The following E4F1 variants were observed in gnomAD, a reference collection of about 807,000 sequenced individuals.
E4F1 encodes transcription factor E4F1.
Under a neutral mutation model 72.9 loss-of-function variants are expected in E4F1, and 30 were observed. The ratio of observed to expected loss-of-function variants is 0.41; its 90% CI spans 0.31 to 0.56. The LOEUF is 0.56. E4F1 is among the 20% of genes least tolerant of loss of function. The pLI, the probability that E4F1 is intolerant of heterozygous loss-of-function variation, is 0.25. For synonymous variants in E4F1, 542 were observed against 478.2 expected, an observed-to-expected ratio of 1.13 and a Z score of -1.74; for missense variants, 1,091 against 1,117.5, an observed-to-expected ratio of 0.98 and a Z score of 0.34.
At chr16:2,230,629 G>A (rs899810378) in intron 3 of E4F1, 1 of 152,390 alleles carries the variant, frequency 6.6e-6, no homozygotes, top group African/African-American at 2.4e-5. Context: ...GCAGCAGGAA[G>A]AGGGGGTGGA....
chr16:2,224,301 C>G (rs2093417999), intron 1 of E4F1, among the ~76,000 whole-genome samples: 1 of 152,366 alleles, frequency 6.6e-6, no homozygotes, highest in Non-Finnish European at 1.5e-5. Context: ...CTTTCTAGTT[C>G]TTTGATCCTG....
Position 2,234,553 on chromosome 16 carries a change from CCAGGCTGGCACTGA to C in E4F1, c.1594-25_1594-12del. ...GAGCTGTAGTCTGTTGTGGCCAAGG[CCAGGCTGGCACTGA>C]CAGGTGTCTCCACAGAACGCACAGC... On this transcript the variant is annotated splice_polypyrimidine_tract_variant and intron_variant, in intron 10 of 13. Transcript: ENST00000301727. 1 of 1,560,254 alleles carries C rather than the reference CCAGGCTGGCACTGA, an allele frequency of 6.4e-7. No individual in the cohort carries two copies. The highest frequency in any genetic ancestry group is 8.7e-7 in the Non-Finnish European group (1 of 1,151,136).
At chr16:2,233,676 TC>T in intron 8 of E4F1, 29 bp downstream of exon 8, 1 of 1,523,382 alleles carries the variant, frequency 6.6e-7, no homozygotes. Context: ...TGCGGGCTCC[TC>T]CCAGGGCTGG....
chr16:2,228,473 C>G lies in E4F1; in HGVS notation c.259C>G (p.Pro87Ala). ...KIQKACQRAP[P>A]EALPATPATT... Reference sequence around the variant, plus strand: ...TCAGAAGGCCTGCCAGCGGGCCCCTCCGGAGGCCCTGCCTGCCACCCCTGC... The same window carrying G: ...TCAGAAGGCCTGCCAGCGGGCCCCTGCGGAGGCCCTGCCTGCCACCCCTGC... The change falls in exon 2 of 14, where the codon CCG becomes GCG. Residue 87 changes from proline to alanine, a missense_variant. This residue lies in a region of E4F1 where 362 missense variants were observed against 358.6 expected (regional missense o/e 1.01). Transcript: ENST00000301727. 6.2e-7 allele frequency: 1 copy of G among 1,613,114 alleles called. No individual in the cohort carries two copies.
chr16:2,233,767 C>T (rs1028653296), intron 8 of E4F1, 115 bp from the exon 9 acceptor site: 6 of 1,422,978 alleles, frequency 4.2e-6, no homozygotes, highest in Non-Finnish European at 5.7e-6. Context: ...GATCTGTTTA[C>T]TGCCTTCCCT....
Position 2,233,002 on chromosome 16 carries a change from A to G in E4F1, c.884-9A>G, listed in dbSNP as rs2093477961. On this transcript the variant is annotated splice_polypyrimidine_tract_variant and intron_variant, in intron 6 of 13. Coordinates refer to ENST00000301727, the MANE Select transcript of E4F1 (RefSeq NM_004424.5). ...TGAGGGATCTTCACTCCCTCACTCC[A>G]CCTTGAAGGTTCTGGAGCTGGAGCT... The G allele has an allele frequency of 6.2e-7, 1 of 1,608,402 alleles. No individual in the cohort carries two copies. The highest frequency in any genetic ancestry group is 1.7e-5 in the Admixed American group (1 of 59,894).
At chr16:2,227,279 G>A (rs1165935316) in intron 1 of E4F1, among the ~76,000 whole-genome samples, 1 of 152,172 alleles carries the variant, frequency 6.6e-6, no homozygotes, top group Non-Finnish European at 1.5e-5. Context: ...GGGAGATCTT[G>A]GCTTACTGCA....
intron 6 of E4F1, 33 bp from the exon 7 acceptor site, chr16:2,232,978 G>A: frequency 6.2e-7 from 1 of 1,610,326 alleles, no homozygotes; most frequent in Non-Finnish European, 8.5e-7. Flanking sequence ...TGGGGTGTGT[G>A]AGGGATCTTC....
chr16:2,228,222 C>T (rs2093443582), intron 1 of E4F1, 150 bp from the exon 2 acceptor site: 2 of 1,064,710 alleles, frequency 1.9e-6, no homozygotes, highest in Non-Finnish European at 2.8e-6. Context: ...TGTTTTGGGC[C>T]CGAGTGTGTT....
At position 2,233,557 on chromosome 16, in the gene E4F1, G is replaced by T; in HGVS notation, c.1176G>T (p.Leu392=). ...LERAAGEEGA[L]EPAPAAGSSP... is the part of the protein sequence containing the mutation. ...GCGCTGCTGGGGAGGAGGGTGCCCT[G>T]GAGCCAGCTCCTGCTGCCGGGTCCA... is the stretch of plus-strand genomic sequence containing the variant. Residue 392 remains leucine, a synonymous_variant, in exon 8 of 14, where the codon CTG becomes CTT. Coordinates refer to ENST00000301727, the MANE Select transcript of E4F1 (RefSeq NM_004424.5). 6.6e-7 allele frequency: 1 copy of T among 1,513,984 alleles called. No homozygotes were observed. The allele number at this position is 1,513,984 out of a possible 1,614,324, so 93.8% of individuals were successfully genotyped here. A position where few individuals can be genotyped will look rare whatever the true frequency, so the allele number is the denominator to read the frequency against.
At chr16:2,228,213 G>T (rs1224430744) in intron 1 of E4F1, 159 bp from the exon 2 acceptor site, 2 of 983,174 alleles carry the variant, frequency 2.0e-6, no homozygotes, top group Non-Finnish European at 3.1e-6. Flanking sequence ...GGATGACCTT[G>T]TTTTGGGCCC....
At chr16:2,227,124 T>C (rs1028729616) in intron 1 of E4F1, among the ~76,000 whole-genome samples, 1 of 152,184 alleles carries the variant, frequency 6.6e-6, no homozygotes, top group Non-Finnish European at 1.5e-5. Context: ...TACTGCAGCC[T>C]CCACCCCTGG....
rs1200000311 is a variant in E4F1 at position 2,235,638 on chromosome 16, C to T, written c.*66C>T. On this transcript the variant is annotated 3_prime_UTR_variant, in exon 14 of 14. Transcript: ENST00000301727. ...GAGGACTCTGAGCGCCCCACCCATG[C>T]CTGCCTGGCCTGGTAGAGAAGATGG... is the stretch of plus-strand genomic sequence containing the variant. The T allele has an allele frequency of 1.5e-6, 2 of 1,375,184 alleles. No individual in the cohort carries two copies. Among genetic ancestry groups the T allele is most frequent in the South Asian group, 2.9e-5 (2 of 69,654 alleles). The allele number at this position is 1,375,184 out of a possible 1,614,324, so 85.2% of individuals were successfully genotyped here. A position where few individuals can be genotyped will look rare whatever the true frequency, so the allele number is the denominator to read the frequency against.
chr16:2,229,510 C>T, intron 2 of E4F1, 60 bp from the exon 3 acceptor site: 2 of 1,552,212 alleles, frequency 1.3e-6, no homozygotes, highest in Non-Finnish European at 8.8e-7. Flanking sequence ...CAGGCCTCTT[C>T]TCTGAGAACT....
At chr16:2,225,813 AG>A in intron 1 of E4F1, among the ~76,000 whole-genome samples, 1 of 149,356 alleles carries the variant, frequency 6.7e-6, no homozygotes, top group Non-Finnish European at 1.5e-5. Context: ...AAAAAAAAAA[AG>A]GCTGGGCGCA....
At chr16:2,227,573 G>A (rs1352004655) in intron 1 of E4F1, among the ~76,000 whole-genome samples, 2 of 151,938 alleles carry the variant, frequency 1.3e-5, no homozygotes, top group Non-Finnish European at 2.9e-5. Context: ...GGGGTTTCAC[G>A]GTGTTAGCCA....
chr16:2,228,228 G>C (rs2093443650), intron 1 of E4F1, 144 bp from the exon 2 acceptor site: 1 of 1,124,024 alleles, frequency 8.9e-7, no homozygotes, highest in Admixed American at 2.0e-5. Context: ...GGGCCCGAGT[G>C]TGTTCTCAGC....
In E4F1 at chr16:2,235,622, G is replaced by A. The variant is rs771099882; in HGVS notation, c.*50G>A. 1 of 1,484,036 alleles carries A rather than the reference G, an allele frequency of 6.7e-7. No homozygotes were observed. The highest frequency in any genetic ancestry group is 2.1e-5 in the Admixed American group (1 of 46,698). The allele number at this position is 1,484,036 out of a possible 1,614,324, so 91.9% of individuals were successfully genotyped here. Reference sequence around the variant, plus strand: ...GGGCAGGGACAGGGCAGAGGACTCTGAGCGCCCCACCCATGCCTGCCTGGC... The same window carrying A: ...GGGCAGGGACAGGGCAGAGGACTCTAAGCGCCCCACCCATGCCTGCCTGGC... On this transcript the variant is annotated 3_prime_UTR_variant, in exon 14 of 14. Transcript: ENST00000301727.
chr16:2,228,333 C>A, intron 1 of E4F1, 39 bp from the exon 2 acceptor site: 1 of 1,612,522 alleles, frequency 6.2e-7, no homozygotes, highest in South Asian at 1.1e-5. Flanking sequence ...TGCCCAGCCT[C>A]CGCCTTCCCA....
Sources: gnomAD v4.1 joint callset for allele counts (sites outside exome capture counted in the v4.1 genomes callset) on GRCh38, gnomAD v4.1.1 for gene constraint, gnomAD v4.1.1 regional missense constraint, MANE v1.5 for transcripts, NCBI Gene and HGNC (gene_info 2026-07-23, HGNC 2026-07-21) for gene names.